The following WWC1 variants were observed in gnomAD, a reference collection of about 807,000 sequenced individuals.
WWC1 encodes the protein WW and C2 domain containing 1.
WWC1 carries 55 observed loss-of-function variants against 138.4 expected under a neutral mutation model. That is an observed-to-expected ratio of 0.40 (90% CI 0.32 to 0.50). The LOEUF (loss-of-function observed/expected upper bound fraction) is 0.50, where lower values mean the gene tolerates loss of function less well. Among genes scored for constraint, WWC1 ranks in the 20% least tolerant of loss-of-function variants. WWC1 has a pLI of 0.72. For synonymous variants in WWC1, 524 were observed against 564.9 expected, an observed-to-expected ratio of 0.93 and a Z score of 1.03; for missense variants, 1,226 against 1,420.4, an observed-to-expected ratio of 0.86 and a Z score of 2.20.
intron 1 of WWC1, among the ~76,000 whole-genome samples, chr5:168,310,016 G>A (rs1439593023): frequency 2.0e-5 from 3 of 152,292 alleles, no homozygotes; most frequent in East Asian, 3.9e-4. Flanking sequence ...ACAACCCAGC[G>A]CTGACCAGCC....
chr5:168,437,464 C>A (rs951389119), intron 15 of WWC1, among the ~76,000 whole-genome samples: 1 of 152,144 alleles, frequency 6.6e-6, no homozygotes, highest in East Asian at 1.9e-4. Flanking sequence ...ATGATGGCAT[C>A]TTAGATTCGA....
intron 11 of WWC1, among the ~76,000 whole-genome samples, chr5:168,427,211 A>G (rs1351278355): frequency 1.3e-5 from 2 of 152,218 alleles, no homozygotes; most frequent in East Asian, 1.9e-4. Context: ...CATTGAAAGT[A>G]TGGATATCTA....
chr5:168,460,910 G>T (rs942421881), intron 20 of WWC1, among the ~76,000 whole-genome samples, 168 bp downstream of exon 20: 3 of 152,190 alleles, frequency 2.0e-5, no homozygotes, highest in Admixed American at 6.5e-5. Context: ...GAACTATGAG[G>T]CCTGTGTAGC....
intron 1 of WWC1, among the ~76,000 whole-genome samples, chr5:168,296,210 CTTG>C (rs1308674881): frequency 2.0e-5 from 3 of 152,312 alleles, no homozygotes; most frequent in Non-Finnish European, 2.9e-5. Flanking sequence ...CTGATTCCTT[CTTG>C]TTGTGCGATT....
In WWC1 at chr5:168,464,736, C is replaced by T. The variant is rs112405537; in HGVS notation, c.2924C>T (p.Ser975Leu). Reference protein sequence around the residue: ...RRSVRMKRPSSVKSLRSERLI... With the variant: ...RRSVRMKRPSLVKSLRSERLI... ...CCGTCCCCACCCCCACAGCCTTCCT[C>T]GGTCAAGTCGCTGCGCTCCGAGCGT... is the stretch of plus-strand genomic sequence containing the variant. The change falls in exon 21 of 23, where the codon TCG becomes TTG. Residue 975 changes from serine (S) to leucine (L), a missense_variant. By Grantham distance (145) the Ser-to-Leu change is moderately radical. Coordinates refer to ENST00000265293, the MANE Select transcript of WWC1 (RefSeq NM_015238.3). 176 of 1,614,138 alleles carry T rather than the reference C, an allele frequency of 1.1e-4. 2 individuals carry two copies. Among genetic ancestry groups the T allele is most frequent in the South Asian group, 1.0e-3 (94 of 91,080 alleles).
rs913883144 is a variant in WWC1 at position 168,434,003 on chromosome 5, C to G, written c.2280+2559C>G. Among the ~76,000 whole-genome samples the G allele has an allele frequency of 3.3e-5, 5 of 152,358 alleles. 1 individual carries two copies. Among genetic ancestry groups the G allele is most frequent in the African/African-American group, 1.2e-4 (5 of 41,584 alleles). On this transcript the variant is annotated intron_variant, in intron 15 of 22. Transcript: ENST00000265293. Reference sequence around the variant, plus strand: ...TCCCTCTGAAGTCCACACACGTCAGCGCCTCTGTGTTGTCTCTTTGCCAGC... The same window carrying G: ...TCCCTCTGAAGTCCACACACGTCAGGGCCTCTGTGTTGTCTCTTTGCCAGC...
intron 3 of WWC1, among the ~76,000 whole-genome samples, chr5:168,392,988 G>C (rs1442684294): frequency 6.6e-6 from 1 of 151,396 alleles, no homozygotes; most frequent in Non-Finnish European, 1.5e-5. Context: ...AACCTTCAGA[G>C]AATAAAAAAG....
chr5:168,449,364 A>G (rs532004453), intron 17 of WWC1, among the ~76,000 whole-genome samples: 44 of 152,308 alleles, frequency 2.9e-4, no homozygotes, highest in African/African-American at 8.4e-4. Flanking sequence ...TGGCTCCACA[A>G]CTAGCCTGCC....
At chr5:168,431,488 G>A in intron 15 of WWC1, 44 bp downstream of exon 15, 1 of 1,555,194 alleles carries the variant, frequency 6.4e-7, no homozygotes, top group Non-Finnish European at 8.7e-7. Flanking sequence ...CTGGCTGGCT[G>A]GCTGGCTGGC....
At chr5:168,338,667 C>A (rs1034401095) in intron 1 of WWC1, among the ~76,000 whole-genome samples, 1 of 152,050 alleles carries the variant, frequency 6.6e-6, no homozygotes, top group Non-Finnish European at 1.5e-5. Context: ...CCTTAGCCCC[C>A]CAAAGTGCTG....
At chr5:168,304,521 G>A (rs925744241) in intron 1 of WWC1, among the ~76,000 whole-genome samples, 33 of 152,162 alleles carry the variant, frequency 2.2e-4, no homozygotes, top group African/African-American at 7.7e-4. Context: ...TCGTACAATG[G>A]TTCTTCAGTG....
rs539655948 is a variant in WWC1 at position 168,309,220 on chromosome 5, G to T, written c.119+16949G>T. 3.4e-5 allele frequency among the ~76,000 whole-genome samples: 5 copies of T among 146,724 alleles called. No homozygotes were observed. In the South Asian group the frequency reaches 1.0e-3, roughly 31 times the overall value. ...TTGCTCTTCCCTAGGGGTGTCCTGT[G>T]TCCCCAAGCCTTCAACCACATCCTT... On this transcript the variant is annotated intron_variant, in intron 1 of 22. Transcript: ENST00000265293.
At chr5:168,457,140 A>ATT (rs34063177) in intron 19 of WWC1, among the ~76,000 whole-genome samples, 11,821 of 118,958 alleles carry the variant, frequency 0.099, 922 homozygotes, top group East Asian at 0.23. Context: ...TAGAAAGGGC[A>ATT]TTTTTTTTTT....
intron 1 of WWC1, among the ~76,000 whole-genome samples, chr5:168,348,286 G>A (rs1374502172): frequency 6.6e-6 from 1 of 152,160 alleles, no homozygotes; most frequent in African/African-American, 2.4e-5. Flanking sequence ...GCTCAGGTAG[G>A]GTGAAGCTCA....
intron 1 of WWC1, among the ~76,000 whole-genome samples, chr5:168,365,649 G>T (rs1324973949): frequency 2.6e-5 from 4 of 152,188 alleles, no homozygotes; most frequent in Admixed American, 1.3e-4. Flanking sequence ...GGTAAGGGAG[G>T]CTTCCAGCCC....
chr5:168,446,830 G>T (rs1027436310), intron 17 of WWC1, among the ~76,000 whole-genome samples: 1 of 152,202 alleles, frequency 6.6e-6, no homozygotes, highest in Non-Finnish European at 1.5e-5. Context: ...AAAAGAGAAG[G>T]AACGTTCCTC....
intron 1 of WWC1, among the ~76,000 whole-genome samples, chr5:168,311,166 T>TCCTCC (rs1486243950): frequency 1.3e-5 from 2 of 152,042 alleles, no homozygotes; most frequent in Admixed American, 6.6e-5. Flanking sequence ...ATGCATTGAC[T>TCCTCC]CCTCCCCTCC....
intron 15 of WWC1, among the ~76,000 whole-genome samples, chr5:168,432,581 A>G (rs530058490): frequency 7.9e-5 from 12 of 152,240 alleles, no homozygotes; most frequent in Non-Finnish European, 1.5e-4. Context: ...TGATAACTCA[A>G]CTGTGGGCAC....
chr5:168,368,160 G>A (rs1014642783), intron 1 of WWC1, among the ~76,000 whole-genome samples: 9 of 143,300 alleles, frequency 6.3e-5, no homozygotes, highest in African/African-American at 1.3e-4. Context: ...GCACGATCTC[G>A]GCTCATCGCA....
Sources: allele counts gnomAD v4.1 joint callset (sites outside exome capture counted in the v4.1 genomes callset), GRCh38; gene constraint gnomAD v4.1.1; transcripts MANE v1.5; gene names NCBI Gene and HGNC (gene_info 2026-07-23, HGNC 2026-07-21).